The following PIP5K1B variants were observed in gnomAD, a reference collection of about 807,000 sequenced individuals.
PIP5K1B encodes the protein phosphatidylinositol 4-phosphate 5-kinase type-1 beta.
A neutral mutation model predicts 67.0 loss-of-function variants in PIP5K1B; 42 were observed. The observed-to-expected ratio is 0.63, with a 90% CI of 0.49 to 0.81. The LOEUF (loss-of-function observed/expected upper bound fraction) is 0.81. PIP5K1B is among the 30% of genes least tolerant of loss of function. PIP5K1B has a pLI of 0.00. For synonymous variants in PIP5K1B, 214 were observed against 231.4 expected, an observed-to-expected ratio of 0.92 and a Z score of 0.68; for missense variants, 459 against 646.3, an observed-to-expected ratio of 0.71 and a Z score of 3.14.
intron 2 of PIP5K1B, chr9:68,781,159 A>G: frequency 1.6e-6 from 2 of 1,230,946 alleles, no homozygotes; most frequent in East Asian, 4.7e-5. Context: ...AATTCCCTGA[A>G]ATGATGTTAT....
At chr9:68,712,747 T>G (rs1827451795) in intron 1 of PIP5K1B, among the ~76,000 whole-genome samples, 1 of 152,224 alleles carries the variant, frequency 6.6e-6, no homozygotes, top group Non-Finnish European at 1.5e-5. Context: ...AATTCTGGCA[T>G]GATTATTAAG....
At chr9:68,780,594 C>A (rs1196922735) in intron 2 of PIP5K1B, 1 of 1,614,084 alleles carries the variant, frequency 6.2e-7, no homozygotes, top group Non-Finnish European at 8.5e-7. Flanking sequence ...TCCTGTGTCA[C>A]CAGCACCGTC....
At chr9:68,776,504 G>GTC (rs56676237) in intron 2 of PIP5K1B, among the ~76,000 whole-genome samples, 81,453 of 151,400 alleles carry the variant, frequency 0.54, 21,978 homozygotes, top group African/African-American at 0.57. Context: ...ATAAGATGAG[G>GTC]TCTCTCTCTT....
At position 68,729,496 on chromosome 9, in the gene PIP5K1B, A is replaced by G. The variant is rs970893336; in HGVS notation, c.-242-13005A>G. Among the ~76,000 whole-genome samples the G allele has an allele frequency of 7.9e-5, 12 of 152,196 alleles. 1 individual carries two copies. The highest frequency in any genetic ancestry group is 7.2e-4 in the Admixed American group (11 of 15,288). ...GTTCAACTGTATTAAAATTTATATT[A>G]AAACCAATATAACTAAGATTATCTA... On this transcript the variant is annotated intron_variant, in intron 1 of 15. Transcript: ENST00000265382.
chr9:68,724,352 C>G (rs370289778), intron 1 of PIP5K1B, among the ~76,000 whole-genome samples: 1 of 151,114 alleles, frequency 6.6e-6, no homozygotes, highest in African/African-American at 2.4e-5. Context: ...TCTTTTTGCT[C>G]AACATTTCTT....
chr9:68,749,584 C>A (rs1254212032), intron 2 of PIP5K1B, among the ~76,000 whole-genome samples: 1 of 152,206 alleles, frequency 6.6e-6, no homozygotes, highest in African/African-American at 2.4e-5. Context: ...ACATGACCAC[C>A]TGTAACCACA....
chr9:68,881,470 T>C (rs966981190), intron 6 of PIP5K1B, among the ~76,000 whole-genome samples: 1 of 152,202 alleles, frequency 6.6e-6, no homozygotes, highest in Admixed American at 6.5e-5. Flanking sequence ...ACTTGTAAGA[T>C]ACAGTGAGTT....
chr9:68,730,795 G>C (rs1489734212), intron 1 of PIP5K1B, among the ~76,000 whole-genome samples: 1 of 152,158 alleles, frequency 6.6e-6, no homozygotes, highest in Non-Finnish European at 1.5e-5. Context: ...TGGGTGGGTA[G>C]GCTTTATGTA....
chr9:68,854,569 T>C (rs930801436), intron 4 of PIP5K1B, among the ~76,000 whole-genome samples: 3 of 152,222 alleles, frequency 2.0e-5, no homozygotes, highest in Non-Finnish European at 2.9e-5. Flanking sequence ...GATTACATTT[T>C]ATAAAAGCAC....
At chr9:68,718,900 T>G (rs562584572) in intron 1 of PIP5K1B, among the ~76,000 whole-genome samples, 2 of 152,314 alleles carry the variant, frequency 1.3e-5, no homozygotes, top group Non-Finnish European at 2.9e-5. Context: ...TGTTGGCTAT[T>G]GAAAGTCCAT....
At chr9:68,944,538 A>C (rs917047413) in intron 14 of PIP5K1B, among the ~76,000 whole-genome samples, 3 of 152,220 alleles carry the variant, frequency 2.0e-5, no homozygotes, top group African/African-American at 7.2e-5. Context: ...GGCTATTTCT[A>C]ACAGTTGGGC....
At chr9:68,909,119 T>C (rs1825744153) in intron 8 of PIP5K1B, among the ~76,000 whole-genome samples, 1 of 152,362 alleles carries the variant, frequency 6.6e-6, no homozygotes, top group East Asian at 1.9e-4. Flanking sequence ...AAGTTAATGC[T>C]AAACAGGTAT....
intron 2 of PIP5K1B, among the ~76,000 whole-genome samples, chr9:68,757,919 A>T (rs1830007072): frequency 6.6e-6 from 1 of 152,144 alleles, no homozygotes; most frequent in Non-Finnish European, 1.5e-5. Flanking sequence ...CCTGAAAAGT[A>T]AATAGTGGCA....
intron 14 of PIP5K1B, among the ~76,000 whole-genome samples, chr9:68,975,963 T>C (rs1421822667): frequency 3.3e-5 from 5 of 152,186 alleles, no homozygotes; most frequent in Non-Finnish European, 7.4e-5. Context: ...CATTCCCAAA[T>C]AGGGTCACAT....
At chr9:68,908,203 G>A (rs550724465) in intron 8 of PIP5K1B, among the ~76,000 whole-genome samples, 35 of 152,186 alleles carry the variant, frequency 2.3e-4, no homozygotes, top group Non-Finnish European at 2.5e-4. Context: ...ATAATGAGAA[G>A]GATGTGACAT....
chr9:68,723,435 G>A (rs941265091), intron 1 of PIP5K1B, among the ~76,000 whole-genome samples: 1 of 151,204 alleles, frequency 6.6e-6, no homozygotes, highest in Non-Finnish European at 1.5e-5. Context: ...CGTAATGGCT[G>A]TACATCTTTA....
intron 14 of PIP5K1B, among the ~76,000 whole-genome samples, chr9:68,949,243 CTT>C (rs1827943733): frequency 6.6e-6 from 1 of 152,220 alleles, no homozygotes; most frequent in African/African-American, 2.4e-5. Flanking sequence ...TGTAGACACT[CTT>C]CAATTCTCTG....
chr9:68,783,223 G>A (rs987180200), intron 2 of PIP5K1B: 1 of 166,934 alleles, frequency 6.0e-6, no homozygotes, highest in African/African-American at 2.4e-5. Flanking sequence ...TTATGATCTG[G>A]CCATATTCTG....
chr9:68,924,401 C>CGAAAAAA (rs1341716504), intron 12 of PIP5K1B, among the ~76,000 whole-genome samples: 2 of 86,768 alleles, frequency 2.3e-5, no homozygotes, highest in Non-Finnish European at 4.4e-5. Flanking sequence ...CACTGCGCCT[C>CGAAAAAA]AAAAAAAAAA....
Sources: gnomAD v4.1 joint callset for allele counts (sites outside exome capture counted in the v4.1 genomes callset) on GRCh38, gnomAD v4.1.1 for gene constraint, MANE v1.5 for transcripts, NCBI Gene and HGNC (gene_info 2026-07-23, HGNC 2026-07-21) for gene names.